Variants in RABGAP1 observed in about 807,000 individuals in gnomAD.
RABGAP1 encodes the protein RAB GTPase activating protein 1, also known as rab GTPase-activating protein 1.
In RABGAP1, 23 loss-of-function variants were observed where a neutral mutation model predicts 137.6. The ratio of observed to expected loss-of-function variants is 0.17; its 90% CI spans 0.12 to 0.24. The LOEUF (loss-of-function observed/expected upper bound fraction) is 0.24, where lower values mean the gene tolerates loss of function less well. Ranked by LOEUF, RABGAP1 falls within the 10% of genes least tolerant of loss-of-function variation. The probability of loss-of-function intolerance (pLI) is 1.00; values close to 1 mark genes in which losing one functional copy is unlikely to be tolerated. For missense variants in RABGAP1, 906 were observed against 1,275.8 expected (o/e 0.71, Z 4.42); for synonymous variants, 451 against 450.7 (o/e 1.00, Z -0.01).
At chr9:122,963,698 C>T (rs749668158) in intron 2 of RABGAP1, among the ~76,000 whole-genome samples, 1 of 152,068 alleles carries the variant, frequency 6.6e-6, no homozygotes, top group Non-Finnish European at 1.5e-5. Flanking sequence ...CCTAACGTTC[C>T]ACCTTAAGAC....
intron 13 of RABGAP1, among the ~76,000 whole-genome samples, chr9:123,030,032 T>G (rs1276993754): frequency 6.6e-6 from 1 of 152,242 alleles, no homozygotes; most frequent in African/African-American, 2.4e-5. Flanking sequence ...TTTTGTTATT[T>G]TAATTATTTT....
chr9:123,053,857 G>T (rs1283796912), intron 13 of RABGAP1, among the ~76,000 whole-genome samples: 1 of 152,044 alleles, frequency 6.6e-6, no homozygotes, highest in South Asian at 2.1e-4. Flanking sequence ...TCTTCCTGCC[G>T]TTCTTAGCTT....
chr9:122,986,304 A>C lies in RABGAP1; in HGVS notation c.475A>C (p.Asn159His). The change falls in exon 4 of 26, where the codon AAT becomes CAT. Residue 159 changes from asparagine (N) to histidine (H), a missense_variant. Around this residue, in one of 9 missense-constraint regions of RABGAP1, gnomAD observed 331 missense variants for 358.3 expected, o/e 0.92. Transcript: ENST00000373647. ...GACTTACTTAGGCTGTGCCTCGGTAAATGCTCCCAGGAGTGAAGTGGAAGC... is the reference window on the plus strand; with the variant it reads ...GACTTACTTAGGCTGTGCCTCGGTACATGCTCCCAGGAGTGAAGTGGAAGC... Reference protein sequence around the residue: ...KLTYLGCASVNAPRSEVEALR... With the variant: ...KLTYLGCASVHAPRSEVEALR... 1.2e-6 allele frequency: 2 copies of C among 1,614,154 alleles called. No individual in the cohort carries two copies. The highest frequency in any genetic ancestry group is 1.7e-6 in the Non-Finnish European group (2 of 1,180,004).
chr9:123,009,143 CATTT>C (rs1390401901), intron 10 of RABGAP1, among the ~76,000 whole-genome samples: 1 of 152,218 alleles, frequency 6.6e-6, no homozygotes, highest in Non-Finnish European at 1.5e-5. Flanking sequence ...CAAACTCACT[CATTT>C]ATTGCCTGGC....
intron 13 of RABGAP1, among the ~76,000 whole-genome samples, chr9:123,042,576 A>G (rs1293898813): frequency 1.3e-5 from 2 of 152,216 alleles, no homozygotes; most frequent in Non-Finnish European, 2.9e-5. Flanking sequence ...TTGCAATTTA[A>G]AGTATAATAA....
chr9:123,009,623 C>T (rs891109269), intron 10 of RABGAP1, among the ~76,000 whole-genome samples: 2 of 152,214 alleles, frequency 1.3e-5, no homozygotes, highest in Admixed American at 6.5e-5. Flanking sequence ...TGTTAATGTA[C>T]TTATAATGTG....
chr9:123,072,299 C>G (rs2034382051), intron 15 of RABGAP1, among the ~76,000 whole-genome samples: 1 of 152,122 alleles, frequency 6.6e-6, no homozygotes, highest in East Asian at 1.9e-4. Flanking sequence ...TTAACTGAAC[C>G]CAGCTTGTTG....
chr9:122,966,098 T>C (rs72616641), intron 2 of RABGAP1, among the ~76,000 whole-genome samples: 11,733 of 152,164 alleles, frequency 0.077, 1,624 homozygotes, highest in East Asian at 0.61. Flanking sequence ...GGAGAACATA[T>C]TACATTTGAG....
At chr9:123,053,026 G>T (rs1211217508) in intron 13 of RABGAP1, among the ~76,000 whole-genome samples, 1 of 152,148 alleles carries the variant, frequency 6.6e-6, no homozygotes, top group East Asian at 1.9e-4. Flanking sequence ...TAAATCTCAG[G>T]CTAAGAATAC....
intron 19 of RABGAP1, among the ~76,000 whole-genome samples, chr9:123,079,239 GTTT>G (rs56098560): frequency 0.48 from 50,291 of 105,046 alleles, 14,014 homozygotes; most frequent in Non-Finnish European, 0.72. Context: ...GTTTTGTTTT[GTTT>G]TTTTTTTTTT....
chr9:122,933,739 C>T, the RABGAP1 span, among the ~76,000 whole-genome samples: 1 of 152,090 alleles, frequency 6.6e-6, no homozygotes. Context: ...ATTCTCCTGC[C>T]TCAGCCTCCC....
chr9:123,032,716 A>G (rs2032370900), intron 13 of RABGAP1, among the ~76,000 whole-genome samples: 1 of 152,210 alleles, frequency 6.6e-6, no homozygotes, highest in Admixed American at 6.5e-5. Flanking sequence ...CTAAATAAAG[A>G]TACTAAAATT....
chr9:123,094,738 C>G (rs944068813), intron 21 of RABGAP1, among the ~76,000 whole-genome samples: 2 of 152,036 alleles, frequency 1.3e-5, no homozygotes, highest in Non-Finnish European at 2.9e-5. Context: ...GTCTTTAGTT[C>G]CCTAGTGAAG....
chr9:123,035,578 G>A, intron 13 of RABGAP1: 2 of 1,604,112 alleles, frequency 1.2e-6, no homozygotes, highest in Non-Finnish European at 1.7e-6. Flanking sequence ...CCCTTACACA[G>A]TTAGAAGCAA....
chr9:123,036,940 A>G (rs1588311264), intron 13 of RABGAP1, among the ~76,000 whole-genome samples: 1 of 152,080 alleles, frequency 6.6e-6, no homozygotes, highest in Non-Finnish European at 1.5e-5. Flanking sequence ...AAAAGTGATT[A>G]TCTTTAGAGC....
At chr9:123,066,157 A>G (rs1309141236) in intron 14 of RABGAP1, among the ~76,000 whole-genome samples, 6 of 152,252 alleles carry the variant, frequency 3.9e-5, no homozygotes, top group African/African-American at 9.6e-5. Context: ...CGCTAATGCT[A>G]TATGACAACT....
At chr9:123,031,953 TC>T (rs1416754361) in intron 13 of RABGAP1, among the ~76,000 whole-genome samples, 2 of 152,216 alleles carry the variant, frequency 1.3e-5, no homozygotes, top group Non-Finnish European at 2.9e-5. Context: ...ATGTCATCAT[TC>T]CTTCTTTTCA....
intron 2 of RABGAP1, among the ~76,000 whole-genome samples, chr9:122,963,724 C>T (rs1834977013): frequency 6.6e-6 from 1 of 150,664 alleles, no homozygotes; most frequent in South Asian, 2.1e-4. Context: ...TAGAAAGGTA[C>T]ATTAAACCTA....
intron 1 of RABGAP1, among the ~76,000 whole-genome samples, chr9:122,947,652 C>T (rs549608840): frequency 9.2e-5 from 14 of 152,252 alleles, no homozygotes; most frequent in East Asian, 1.9e-4. Context: ...GTCACAGTTA[C>T]GGTAGGCTCA....
Sources: allele counts gnomAD v4.1 joint callset (sites outside exome capture counted in the v4.1 genomes callset), GRCh38; gene constraint gnomAD v4.1.1; regional missense constraint gnomAD v4.1.1; transcripts MANE v1.5; gene names NCBI Gene and HGNC (gene_info 2026-07-23, HGNC 2026-07-21).